Variants in JKAMP observed in about 807,000 individuals in gnomAD.
The protein encoded by JKAMP is JNK1/MAPK8-associated membrane protein.
A neutral mutation model predicts 40.2 loss-of-function variants in JKAMP; 20 were observed. That is an observed-to-expected ratio of 0.50 (90% CI 0.35 to 0.72). The LOEUF is 0.72. Among genes scored for constraint, JKAMP ranks in the 30% least tolerant of loss-of-function variants. The pLI is 0.01. For missense variants in JKAMP, 276 were observed against 373.0 expected (o/e 0.74, Z 2.14); for synonymous variants, 138 against 131.6 (o/e 1.05, Z -0.33).
chr14:59,502,751 T>A (rs1439240577), intron 6 of JKAMP, among the ~76,000 whole-genome samples: 1 of 89,152 alleles, frequency 1.1e-5, no homozygotes, highest in African/African-American at 4.5e-5. Context: ...TAAAATGAGA[T>A]TTTTTTTTTT....
At chr14:59,498,125 G>A (rs1253119) in intron 4 of JKAMP, among the ~76,000 whole-genome samples, 65,323 of 151,912 alleles carry the variant, frequency 0.43, 15,854 homozygotes, top group African/African-American at 0.66. Flanking sequence ...CTGTAATTCT[G>A]TTCCTTGAGA....
At chr14:59,491,965 T>C (rs1318329274) in intron 3 of JKAMP, among the ~76,000 whole-genome samples, 1 of 152,208 alleles carries the variant, frequency 6.6e-6, no homozygotes, top group Admixed American at 6.5e-5. Context: ...CCATTCTCAA[T>C]TTAACCCTGT....
Position 59,505,236 on chromosome 14 carries a change from G to C in JKAMP, c.*1164G>C. 1.4e-6 allele frequency: 2 copies of C among 1,451,822 alleles called. No homozygotes were observed. Among genetic ancestry groups the C allele is most frequent in the Non-Finnish European group, 1.8e-6 (2 of 1,082,034 alleles). The allele number at this position is 1,451,822 out of a possible 1,614,324, so 89.9% of individuals were successfully genotyped here. On this transcript the variant is annotated 3_prime_UTR_variant, in exon 7 of 7. Coordinates refer to ENST00000616435, the MANE Select transcript of JKAMP (RefSeq NM_016475.5). The stretch of plus-strand genomic sequence containing the variant: ...TTGAATTCACAGCAGTTGTATCCTT[G>C]AGTTACTTTGTTAATGTATTTTTCT...
chr14:59,484,759 G>T, intron 1 of JKAMP, 166 bp downstream of exon 1: 1 of 987,484 alleles, frequency 1.0e-6, no homozygotes, highest in South Asian at 1.6e-5. Context: ...CTGCGGGGTT[G>T]GGGTGGTCTG....
intron 3 of JKAMP, among the ~76,000 whole-genome samples, chr14:59,494,157 G>T (rs1004718369): frequency 3.3e-5 from 5 of 151,416 alleles, no homozygotes; most frequent in African/African-American, 9.7e-5. Context: ...ACACATCTCA[G>T]GGTGTGGAAG....
chr14:59,499,966 C>T (rs1891748573), intron 5 of JKAMP, among the ~76,000 whole-genome samples: 1 of 152,160 alleles, frequency 6.6e-6, no homozygotes, highest in African/African-American at 2.4e-5. Flanking sequence ...GGGACCTGTT[C>T]TTAAAAGGAT....
At position 59,504,131 on chromosome 14, in the gene JKAMP, A is replaced by G. The variant is rs1030384798; in HGVS notation, c.*59A>G. On this transcript the variant is annotated 3_prime_UTR_variant, in exon 7 of 7. Transcript: ENST00000616435. The stretch of plus-strand genomic sequence containing the variant: ...GTGCTCCTAATAAAAAAGTAAATCA[A>G]TCTTAACAGTGTATGAGAACTATTC... The G allele has an allele frequency of 3.1e-6, 3 of 973,350 alleles. No individual in the cohort carries two copies. Among genetic ancestry groups the G allele is most frequent in the African/African-American group, 1.6e-5 (1 of 62,256 alleles). 60.3% of individuals were successfully genotyped at this position (973,350 alleles called of 1,614,324 possible). A position where few individuals can be genotyped will look rare whatever the true frequency, so the allele number is the denominator to read the frequency against.
At chr14:59,490,325 A>G (rs1890896360) in intron 3 of JKAMP, among the ~76,000 whole-genome samples, 1 of 152,190 alleles carries the variant, frequency 6.6e-6, no homozygotes, top group South Asian at 2.1e-4. Flanking sequence ...TTCCACTCCC[A>G]TGACCCAAAT....
chr14:59,494,796 C>A (rs1041960764), intron 3 of JKAMP, among the ~76,000 whole-genome samples: 27 of 152,148 alleles, frequency 1.8e-4, no homozygotes, highest in African/African-American at 6.5e-4. Context: ...TGGCAAGATA[C>A]TAAAGATGCA....
chr14:59,504,056 G>C lies in JKAMP; in HGVS notation c.920G>C (p.Gly307Ala). The C allele has an allele frequency of 1.9e-6, 3 of 1,610,714 alleles. No homozygotes were observed. Among genetic ancestry groups the C allele is most frequent in the Non-Finnish European group, 2.5e-6 (3 of 1,177,074 alleles). ...GAACCTTCAAGGATACTCTCAGAAGGAGCCAATGGACACTGAGTGTAGACA... is the reference window on the plus strand; with the variant it reads ...GAACCTTCAAGGATACTCTCAGAAGCAGCCAATGGACACTGAGTGTAGACA... ...FTEPSRILSE[G>A]ANGH is the part of the protein sequence containing the mutation. The change falls in exon 7 of 7, where the codon GGA (glycine) becomes GCA (alanine). Residue 307 changes from glycine (G) to alanine (A), a missense_variant. Transcript: ENST00000616435.
At position 59,495,024 on chromosome 14, in the gene JKAMP, C is replaced by T. The variant is rs747629696; in HGVS notation, c.258C>T (p.Ser86=). Reference sequence around the variant, plus strand: ...GCCTCTTTTCCTTCTCTAGTTCCAGCGCACTTTTCCAACACATCACTGCAT... The same window carrying T: ...GCCTCTTTTCCTTCTCTAGTTCCAGTGCACTTTTCCAACACATCACTGCAT... ...IEWYSGKKSS[S]ALFQHITALF... is the part of the protein sequence containing the mutation. The change falls in exon 4 of 7, where the codon AGC becomes AGT. Residue 86 remains serine, a synonymous_variant. Coordinates refer to ENST00000616435, the MANE Select transcript of JKAMP (RefSeq NM_016475.5). The T allele has an allele frequency of 5.0e-6, 8 of 1,612,392 alleles. No individual in the cohort carries two copies. Among genetic ancestry groups the T allele is most frequent in the African/African-American group, 2.7e-5 (2 of 74,898 alleles).
chr14:59,487,319 A>T (rs1890661849), intron 2 of JKAMP: 1 of 157,734 alleles, frequency 6.3e-6, no homozygotes, highest in Admixed American at 6.4e-5. Flanking sequence ...ATTTTATAAT[A>T]ATTTCTAATT....
intron 6 of JKAMP, among the ~76,000 whole-genome samples, chr14:59,502,750 ATTT>A (rs760030560): frequency 8.1e-4 from 4 of 4,908 alleles, no homozygotes; most frequent in Non-Finnish European, 2.3e-3. Flanking sequence ...ATAAAATGAG[ATTT>A]TTTTTTTTTT....
At chr14:59,493,727 G>T in intron 3 of JKAMP, among the ~76,000 whole-genome samples, 1 of 152,100 alleles carries the variant, frequency 6.6e-6, no homozygotes, top group East Asian at 1.9e-4. Context: ...CACTTGACAA[G>T]CCAATTTTAA....
intron 3 of JKAMP, among the ~76,000 whole-genome samples, chr14:59,491,303 G>A (rs1412481142): frequency 3.9e-5 from 6 of 152,178 alleles, no homozygotes; most frequent in African/African-American, 1.4e-4. Flanking sequence ...CGATGCTGGT[G>A]GGGGTATTTT....
chr14:59,495,092 G>A lies in JKAMP; in HGVS notation c.326G>A (p.Ser109Asn). Residue 109 changes from serine to asparagine, a missense_variant, in exon 4 of 7, where the codon AGT becomes AAT. By Grantham distance (46) the Ser-to-Asn change is conservative. Transcript: ENST00000616435. Reference sequence around the variant, plus strand: ...GCAGCTATTATCACCTTACTTGTGAGTGATCCAGTTGGTGTTCTTTATATT... The same window carrying A: ...GCAGCTATTATCACCTTACTTGTGAATGATCCAGTTGGTGTTCTTTATATT... ...SMAAIITLLV[S>N]DPVGVLYIRS... 1 of 1,613,740 alleles carries A rather than the reference G, an allele frequency of 6.2e-7. No homozygotes were observed. The highest frequency in any genetic ancestry group is 8.5e-7 in the Non-Finnish European group (1 of 1,179,702).
intron 3 of JKAMP, among the ~76,000 whole-genome samples, chr14:59,494,362 T>C (rs1457036341): frequency 6.6e-6 from 1 of 152,166 alleles, no homozygotes; most frequent in Non-Finnish European, 1.5e-5. Context: ...AGTGGAATCC[T>C]AACACAATAG....
intron 1 of JKAMP, chr14:59,485,207 T>C (rs1044791885): frequency 7.1e-7 from 1 of 1,400,016 alleles, no homozygotes; most frequent in Non-Finnish European, 9.8e-7. Context: ...GATATTCACG[T>C]GTATTTATTA....
chr14:59,495,370 G>T, intron 4 of JKAMP, 146 bp downstream of exon 4: 1 of 601,806 alleles, frequency 1.7e-6, no homozygotes, highest in Non-Finnish European at 3.0e-6. Context: ...CATGTAAACA[G>T]CCTCTTGTAA....
Sources: allele counts gnomAD v4.1 joint callset (sites outside exome capture counted in the v4.1 genomes callset), GRCh38; gene constraint gnomAD v4.1.1; transcripts MANE v1.5; gene names NCBI Gene and HGNC (gene_info 2026-07-23, HGNC 2026-07-21).